Variants in GMEB2 observed in about 807,000 individuals in gnomAD.
GMEB2 encodes the protein glucocorticoid modulatory element-binding protein 2.
In GMEB2, 7 loss-of-function variants were observed where a neutral mutation model predicts 45.7. The observed-to-expected ratio is 0.15, with a 90% confidence interval of 0.09 to 0.29. GMEB2 has a LOEUF of 0.29. Among genes scored for constraint, GMEB2 ranks in the 10% least tolerant of loss-of-function variants. The probability of loss-of-function intolerance (pLI) is 1.00; values close to 1 mark genes in which losing one functional copy is unlikely to be tolerated. For synonymous variants in GMEB2, 322 were observed against 323.6 expected (o/e 1.00, Z 0.05); for missense variants, 582 against 739.2 (o/e 0.79, Z 2.47).
At chr20:63,618,208 G>C (rs147466712) in intron 2 of GMEB2, among the ~76,000 whole-genome samples, 50 of 152,318 alleles carry the variant, frequency 3.3e-4, no homozygotes, top group Non-Finnish European at 5.9e-4. Context: ...GAGAATGGAG[G>C]TGTGAACATC....
intron 3 of GMEB2, 144 bp from the exon 4 acceptor site, chr20:63,603,236 G>C (rs2083254185): frequency 1.2e-6 from 1 of 814,746 alleles, no homozygotes; most frequent in Admixed American, 2.4e-5. Context: ...TAGAGCCAAG[G>C]TGGGCAGGGC....
intron 1 of GMEB2, among the ~76,000 whole-genome samples, chr20:63,624,998 G>A (rs1046195038): frequency 2.6e-5 from 4 of 152,002 alleles, no homozygotes; most frequent in African/African-American, 9.7e-5. Flanking sequence ...GAGCCACTGA[G>A]CCTGGCCTCC....
intron 9 of GMEB2, among the ~76,000 whole-genome samples, chr20:63,591,221 AACAC>A (rs35850185): frequency 0.31 from 47,803 of 151,940 alleles, 8,354 homozygotes; most frequent in East Asian, 0.8. Flanking sequence ...ACAAACAGTG[AACAC>A]ACAAAGTGAA....
chr20:63,593,132 A>T lies in GMEB2; in HGVS notation c.620-50T>A, dbSNP rs747982878. ...TGAGTGCTGTTTGGACCACAGTCCC[A>T]CACCCCACATACCCTGTCCACCCTC... On this transcript the variant is annotated intron_variant, in intron 6 of 9. Coordinates refer to ENST00000370077, the MANE Select transcript of GMEB2 (RefSeq NM_012384.5). This position sits in a 1 kb window ranked among gnomAD's most constrained non-coding sequence, Gnocchi z 4.7. 1 of 1,104,496 alleles carries T rather than the reference A, an allele frequency of 9.1e-7. No homozygotes were observed. Among genetic ancestry groups the T allele is most frequent in the Non-Finnish European group, 1.4e-6 (1 of 726,410 alleles). The allele number at this position is 1,104,496 out of a possible 1,614,324, so 68.4% of individuals were successfully genotyped here. A position where few individuals can be genotyped will look rare whatever the true frequency, so the allele number is the denominator to read the frequency against.
At chr20:63,599,266 G>A (rs73315863) in intron 4 of GMEB2, among the ~76,000 whole-genome samples, 4 of 151,668 alleles carry the variant, frequency 2.6e-5, no homozygotes, top group Admixed American at 1.3e-4. Flanking sequence ...CCACAGCCAC[G>A]TGGCCCTGCT....
intron 2 of GMEB2, among the ~76,000 whole-genome samples, chr20:63,618,760 C>G (rs1457884684): frequency 6.6e-6 from 1 of 152,140 alleles, no homozygotes; most frequent in Non-Finnish European, 1.5e-5. Context: ...GGAGTGACAC[C>G]GGCTCACAGC....
chr20:63,597,096 CTTTCT>C (rs949446737), intron 5 of GMEB2, among the ~76,000 whole-genome samples: 11 of 151,778 alleles, frequency 7.2e-5, no homozygotes, highest in Non-Finnish European at 1.0e-4. Flanking sequence ...CAGATTATAC[CTTTCT>C]TTTATTTTTT....
chr20:63,613,009 T>G (rs1281509149), intron 2 of GMEB2, among the ~76,000 whole-genome samples: 1 of 152,080 alleles, frequency 6.6e-6, no homozygotes, highest in African/African-American at 2.4e-5. Flanking sequence ...TTGCCCAGGC[T>G]GGAGTGCAGT....
intron 1 of GMEB2, among the ~76,000 whole-genome samples, chr20:63,623,922 C>T (rs1295626993): frequency 6.6e-6 from 1 of 150,688 alleles, no homozygotes; most frequent in Non-Finnish European, 1.5e-5. Flanking sequence ...CCAGCCTGGC[C>T]AACATGGTAA....
intron 2 of GMEB2, among the ~76,000 whole-genome samples, chr20:63,607,468 A>AC (rs2089530527): frequency 2.3e-4 from 3 of 13,308 alleles, no homozygotes; most frequent in Non-Finnish European, 5.7e-4. Flanking sequence ...TGCCCCTGTG[A>AC]CCTCACCTCC....
At chr20:63,595,040 G>A (rs2083182479) in intron 6 of GMEB2, among the ~76,000 whole-genome samples, 1 of 152,208 alleles carries the variant, frequency 6.6e-6, no homozygotes, top group South Asian at 2.1e-4. Flanking sequence ...CAGCCTAACT[G>A]TAGTTTTAAG....
chr20:63,612,031 G>T (rs891712707), intron 2 of GMEB2, among the ~76,000 whole-genome samples: 4 of 152,166 alleles, frequency 2.6e-5, no homozygotes, highest in African/African-American at 9.7e-5. Context: ...ACTCCAGTCT[G>T]TGCAACAGAA....
chr20:63,603,467 A>AT (rs2083255957), intron 3 of GMEB2, among the ~76,000 whole-genome samples: 1 of 152,216 alleles, frequency 6.6e-6, no homozygotes, highest in African/African-American at 2.4e-5. Flanking sequence ...GTTATAAAGA[A>AT]TTTTTGTAAT....
chr20:63,614,356 A>T (rs1410986896), intron 2 of GMEB2, among the ~76,000 whole-genome samples: 1 of 152,190 alleles, frequency 6.6e-6, no homozygotes, highest in East Asian at 1.9e-4. Flanking sequence ...CCAGAAGACA[A>T]GAGTGCGAGC....
chr20:63,617,770 G>A (rs2089619948), intron 2 of GMEB2, among the ~76,000 whole-genome samples: 2 of 152,040 alleles, frequency 1.3e-5, no homozygotes, highest in Admixed American at 6.5e-5. Context: ...CCGCGGCCAC[G>A]GTGTCAGGGC....
chr20:63,601,337 C>T (rs1228392111), intron 4 of GMEB2, among the ~76,000 whole-genome samples: 1 of 152,136 alleles, frequency 6.6e-6, no homozygotes, highest in Non-Finnish European at 1.5e-5. Flanking sequence ...CAGACTCTCT[C>T]TCCTCCTTCC....
intron 4 of GMEB2, among the ~76,000 whole-genome samples, chr20:63,601,495 GT>G (rs1429855043): frequency 6.6e-6 from 1 of 150,974 alleles, no homozygotes; most frequent in Non-Finnish European, 1.5e-5. Context: ...CTCTAGTCGT[GT>G]TTCTGCAGAA....
chr20:63,609,105 C>T (rs929296608), intron 2 of GMEB2, among the ~76,000 whole-genome samples: 3 of 107,566 alleles, frequency 2.8e-5, no homozygotes, highest in Non-Finnish European at 6.2e-5. Context: ...GCCCCTCTGA[C>T]CCACCTCCAT....
In GMEB2 at chr20:63,595,752, G is replaced by A. The variant is rs771530238; in HGVS notation, c.477C>T (p.Ser159=). 64 of 1,613,968 alleles carry A rather than the reference G, an allele frequency of 4.0e-5. No individual in the cohort carries two copies. Among genetic ancestry groups the A allele is most frequent in the Middle Eastern group, 1.6e-4 (1 of 6,062 alleles). The stretch of plus-strand genomic sequence containing the variant: ...CATGCTGGTAGAAGTCCAGTTCCCC[G>A]GAGTCCATGATCTTCCTGTGACAGA... ...NGIMLRKIMD[S]GELDFYQHDK... The change falls in exon 6 of 10, where the codon TCC becomes TCT. Residue 159 remains serine (S), a synonymous_variant. Transcript: ENST00000370077.
Sources: gnomAD v4.1 joint callset for allele counts (sites outside exome capture counted in the v4.1 genomes callset) on GRCh38, gnomAD v4.1.1 for gene constraint, Gnocchi (gnomAD v3.1) non-coding constraint, MANE v1.5 for transcripts, NCBI Gene and HGNC (gene_info 2026-07-23, HGNC 2026-07-21) for gene names.